Variants in NSD1 observed in about 807,000 individuals in gnomAD.
NSD1 encodes the protein nuclear receptor binding SET domain protein 1.
A neutral mutation model predicts 242.7 loss-of-function variants in NSD1; 26 were observed. That is an observed-to-expected ratio of 0.11 (90% CI 0.08 to 0.15). The LOEUF (loss-of-function observed/expected upper bound fraction) is 0.15, where lower values mean the gene tolerates loss of function less well. Ranked by LOEUF, NSD1 falls within the 10% of genes least tolerant of loss-of-function variation. NSD1 has a pLI of 1.00. For synonymous variants in NSD1, 1,106 were observed against 1,178.1 expected (o/e 0.94, Z 1.25); for missense variants, 2,495 against 3,272.8 (o/e 0.76, Z 5.80).
At chr5:177,274,787 G>A (rs1758230535) in intron 17 of NSD1, among the ~76,000 whole-genome samples, 1 of 152,002 alleles carries the variant, frequency 6.6e-6, no homozygotes, top group African/African-American at 2.4e-5. Context: ...AGGCTGGAGT[G>A]CAGTGGTGCA....
intron 2 of NSD1, among the ~76,000 whole-genome samples, chr5:177,182,745 C>A (rs973146131): frequency 6.6e-6 from 1 of 152,170 alleles, no homozygotes; most frequent in Non-Finnish European, 1.5e-5. Flanking sequence ...TCGAGTGATT[C>A]TCCTGCCTCA....
intron 14 of NSD1, among the ~76,000 whole-genome samples, chr5:177,264,201 A>G (rs1340340983): frequency 6.6e-6 from 1 of 151,918 alleles, no homozygotes; most frequent in Non-Finnish European, 1.5e-5. Flanking sequence ...ATGCCCAGCT[A>G]ATTTTTTGTA....
At chr5:177,261,391 T>C (rs994413596) in intron 14 of NSD1, among the ~76,000 whole-genome samples, 3 of 152,030 alleles carry the variant, frequency 2.0e-5, no homozygotes, top group Admixed American at 1.3e-4. Context: ...ATTTTATTCA[T>C]TTTTAAAATA....
chr5:177,224,042 A>G (rs1002087899), intron 5 of NSD1, among the ~76,000 whole-genome samples: 3 of 150,272 alleles, frequency 2.0e-5, no homozygotes, highest in African/African-American at 7.3e-5. Context: ...TTTTGTAGTA[A>G]TTAATTACAG....
intron 20 of NSD1, chr5:177,288,563 A>C (rs1759524456): frequency 2.4e-6 from 1 of 411,434 alleles, no homozygotes; most frequent in Non-Finnish European, 4.5e-6. Context: ...CAAATGAAAA[A>C]CAACTTGAGG....
Position 177,211,533 on chromosome 5 carries a change from G to T in NSD1, c.3134G>T (p.Arg1045Leu), listed in dbSNP as rs1359539320. The change falls in exon 5 of 23, where the codon CGT becomes CTT. Residue 1045 changes from arginine to leucine, a missense_variant. Around this residue, in one of 19 missense-constraint regions of NSD1, gnomAD observed 426 missense variants for 411.4 expected, o/e 1.04. Coordinates refer to ENST00000439151, the MANE Select transcript of NSD1 (RefSeq NM_022455.5). Reference protein sequence around the residue: ...SAQMVKNTVNRKALKTERKRK... With the variant: ...SAQMVKNTVNLKALKTERKRK... ...CAAATGGTAAAGAACACAGTGAACC[G>T]TAAAGCCTTAAAGACCGAGCGCAAA... 3.1e-6 allele frequency: 5 copies of T among 1,613,986 alleles called. No homozygotes were observed. The highest frequency in any genetic ancestry group is 3.4e-6 in the Non-Finnish European group (4 of 1,180,034).
At position 177,273,908 on chromosome 5, in the gene NSD1, AAAG is replaced by A. The variant is rs146529466; in HGVS notation, c.5622+129_5622+131del. The A allele has an allele frequency of 2.1e-4, 144 of 694,828 alleles. No homozygotes were observed. In the African/African-American group the frequency reaches 2.3e-3, roughly 11 times the overall value. 43.0% of individuals were successfully genotyped at this position (694,828 alleles called of 1,614,324 possible). A position where few individuals can be genotyped will look rare whatever the true frequency, so the allele number is the denominator to read the frequency against. ...CGTTTTAGGTAGAGGTATGAGCTTAAAAGAAGATCAGAAATAGCCGGGCACGGT... is the reference window on the plus strand; with the variant it reads ...CGTTTTAGGTAGAGGTATGAGCTTAAAAGATCAGAAATAGCCGGGCACGGT... On this transcript the variant is annotated intron_variant, in intron 17 of 22. Coordinates refer to ENST00000439151, the MANE Select transcript of NSD1 (RefSeq NM_022455.5).
intron 8 of NSD1, among the ~76,000 whole-genome samples, chr5:177,241,368 C>T (rs1386020673): frequency 2.0e-5 from 3 of 151,306 alleles, no homozygotes; most frequent in East Asian, 2.0e-4. Context: ...GGCTGGGCGT[C>T]GTGGTACCTG....
intron 18 of NSD1, 39 bp from the exon 19 acceptor site, chr5:177,282,426 C>A: frequency 7.5e-7 from 1 of 1,336,764 alleles, no homozygotes; most frequent in South Asian, 1.2e-5. Context: ...TACCAGTGTC[C>A]TTTTTTGCCA....
At chr5:177,256,828 TG>T in intron 12 of NSD1, 122 bp from the exon 13 acceptor site, 2 of 764,678 alleles carry the variant, frequency 2.6e-6, no homozygotes, top group East Asian at 2.6e-5. Flanking sequence ...ATTGTTACAG[TG>T]GGTTCAGACG....
intron 2 of NSD1, among the ~76,000 whole-genome samples, chr5:177,151,990 A>G (rs1348078157): frequency 6.6e-6 from 1 of 151,834 alleles, no homozygotes; most frequent in Non-Finnish European, 1.5e-5. Context: ...CCTCCCGAGT[A>G]ACTGGGACCA....
At chr5:177,178,947 C>G (rs975459839) in intron 2 of NSD1, among the ~76,000 whole-genome samples, 1 of 151,982 alleles carries the variant, frequency 6.6e-6, no homozygotes, top group African/African-American at 2.4e-5. Flanking sequence ...GGATCCAGAG[C>G]CTTAAGTAGG....
rs1757797884 is a variant in NSD1, at chr5:177,269,653, T to C, written c.5355T>C (p.Asp1785=). The C allele has an allele frequency of 1.9e-6, 3 of 1,614,160 alleles. No individual in the cohort carries two copies. The highest frequency in any genetic ancestry group is 1.7e-6 in the Non-Finnish European group (2 of 1,180,018). The part of the protein sequence containing the change: ...CHPRAVPSNI[D]KMRHDVGEFP... ...CTCGAGCTGTTCCTTCCAACATTGA[T>C]AAGATGAGACATGATGTGGGAGAGT... is the stretch of plus-strand genomic sequence containing the variant. Residue 1785 remains aspartate, a synonymous_variant, in exon 16 of 23, where the codon GAT becomes GAC. Transcript: ENST00000439151. This position sits in a 1 kb window ranked among gnomAD's most constrained non-coding sequence, Gnocchi z 5.1.
At chr5:177,169,452 C>A in intron 2 of NSD1, 1 of 157,270 alleles carries the variant, frequency 6.4e-6, no homozygotes, top group South Asian at 1.8e-4. Context: ...GGATCAGCTT[C>A]GATGATTGCT....
At position 177,296,549 on chromosome 5, in the gene NSD1, C is replaced by T. The variant is rs1760270067; in HGVS notation, c.*1090C>T. 4.3e-6 allele frequency: 1 copy of T among 233,154 alleles called. No individual in the cohort carries two copies. Among genetic ancestry groups the T allele is most frequent in the Non-Finnish European group, 8.5e-6 (1 of 118,078 alleles). 14.4% of individuals were successfully genotyped at this position (233,154 alleles called of 1,614,324 possible). A position where few individuals can be genotyped will look rare whatever the true frequency, so the allele number is the denominator to read the frequency against. On this transcript the variant is annotated 3_prime_UTR_variant, in exon 23 of 23. Coordinates refer to ENST00000439151, the MANE Select transcript of NSD1 (RefSeq NM_022455.5). ...TTTCTTTTCCCCATTCCTTTTCCCTCCTGAGTGGAGGGAGTCCTCTTCTTC... is the reference window on the plus strand; with the variant it reads ...TTTCTTTTCCCCATTCCTTTTCCCTTCTGAGTGGAGGGAGTCCTCTTCTTC...
intron 2 of NSD1, among the ~76,000 whole-genome samples, chr5:177,149,089 G>T (rs559117963): frequency 6.6e-6 from 1 of 152,262 alleles, no homozygotes; most frequent in East Asian, 1.9e-4. Context: ...AAAGTCCTGG[G>T]ATTTCAGGCA....
At chr5:177,140,222 C>T (rs1379078090) in intron 2 of NSD1, among the ~76,000 whole-genome samples, 1 of 152,140 alleles carries the variant, frequency 6.6e-6, no homozygotes, top group African/African-American at 2.4e-5. Context: ...TTTTCTAATT[C>T]TTCCCAGTGT....
Position 177,185,811 on chromosome 5 carries a change from T to TTA in NSD1, c.928-6064_928-6063dup, listed in dbSNP as rs1182889606. ...ATATTATATATATATATATATAAAT[T>TTA]TATATATATAATATATAAGTTTTAT... is the stretch of plus-strand genomic sequence containing the variant. On this transcript the variant is annotated intron_variant, in intron 2 of 22. Coordinates refer to ENST00000439151, the MANE Select transcript of NSD1 (RefSeq NM_022455.5). Among the ~76,000 whole-genome samples the TTA allele has an allele frequency of 1.5e-4, 11 of 74,036 alleles. No individual in the cohort carries two copies. The East Asian group carries it at 1.7e-3, about 11-fold the overall frequency. The allele number at this position is 74,036 out of a possible 152,430, so 48.6% of individuals were successfully genotyped here.
intron 5 of NSD1, among the ~76,000 whole-genome samples, chr5:177,229,514 C>T (rs1764889426): frequency 6.6e-6 from 1 of 152,172 alleles, no homozygotes; most frequent in Admixed American, 6.5e-5. Context: ...CTTCCAGTAT[C>T]CAAAAGGTCA....
Sources: allele counts gnomAD v4.1 joint callset (sites outside exome capture counted in the v4.1 genomes callset), GRCh38; gene constraint gnomAD v4.1.1; regional missense constraint gnomAD v4.1.1; non-coding constraint Gnocchi (gnomAD v3.1); transcripts MANE v1.5; gene names NCBI Gene and HGNC (gene_info 2026-07-23, HGNC 2026-07-21).